ARHGAP32: variants seen among roughly 807,000 people sequenced by gnomAD.
ARHGAP32 encodes the protein Rho GTPase activating protein 32.
In ARHGAP32, 51 loss-of-function variants were observed where a neutral mutation model predicts 186.5. The observed-to-expected ratio is 0.27, with a 90% CI of 0.22 to 0.35. The LOEUF (loss-of-function observed/expected upper bound fraction) is 0.35. ARHGAP32 is among the 10% of genes least tolerant of loss of function. The probability of loss-of-function intolerance (pLI) is 1.00; values close to 1 mark genes in which losing one functional copy is unlikely to be tolerated. For synonymous variants in ARHGAP32, 950 were observed against 964.3 expected, an observed-to-expected ratio of 0.99 and a Z score of 0.27; for missense variants, 2,186 against 2,623.5, an observed-to-expected ratio of 0.83 and a Z score of 3.64.
intron 11 of ARHGAP32, among the ~76,000 whole-genome samples, chr11:129,008,874 T>A (rs189769585): frequency 2.6e-5 from 4 of 152,208 alleles, no homozygotes; most frequent in African/African-American, 9.6e-5. Flanking sequence ...GTTTGTCACA[T>A]ATAATATCAC....
chr11:128,971,230 A>G, intron 22 of ARHGAP32, 71 bp from the exon 23 acceptor site: 1 of 1,352,518 alleles, frequency 7.4e-7, no homozygotes, highest in Non-Finnish European at 1.0e-6. Context: ...TTAAATTTGT[A>G]ACTCACAAAT....
At chr11:129,022,519 T>A (rs1386170443) in intron 11 of ARHGAP32, among the ~76,000 whole-genome samples, 1 of 152,148 alleles carries the variant, frequency 6.6e-6, no homozygotes, top group Non-Finnish European at 1.5e-5. Flanking sequence ...AGTTGCAAGA[T>A]CTTGAGCAAA....
At position 129,062,286 on chromosome 11, in the gene ARHGAP32, T is replaced by C. The variant is rs1315266659; in HGVS notation, c.957A>G (p.Gly319=). 1.2e-6 allele frequency: 2 copies of C among 1,613,408 alleles called. No individual in the cohort carries two copies. Among genetic ancestry groups the C allele is most frequent in the Admixed American group, 1.7e-5 (1 of 59,986 alleles). ...VLSTWWRGKH[G]FQVGLFPGHC... is the part of the protein sequence containing the mutation. ...CTAATTTGCTGCTGCCTACCTGGAA[T>C]CCGTGCTTGCCTCTCCACCATGTGC... The change falls in exon 10 of 23, where the codon GGA becomes GGG. Residue 319 remains glycine, a synonymous_variant. Coordinates refer to ENST00000682385, the MANE Select transcript of ARHGAP32 (RefSeq NM_001378024.1).
intron 1 of ARHGAP32, among the ~76,000 whole-genome samples, chr11:129,233,854 C>T (rs1482397569): frequency 6.6e-6 from 1 of 151,780 alleles, no homozygotes; most frequent in Non-Finnish European, 1.5e-5. Flanking sequence ...TAATACTATG[C>T]AATATACAGT....
At chr11:129,044,249 T>A (rs1351062282) in intron 10 of ARHGAP32, among the ~76,000 whole-genome samples, 1 of 152,200 alleles carries the variant, frequency 6.6e-6, no homozygotes, top group Admixed American at 6.5e-5. Context: ...TGGGCTAGTA[T>A]AAATAAAATG....
intron 1 of ARHGAP32, among the ~76,000 whole-genome samples, chr11:129,277,221 T>C (rs1945542499): frequency 6.6e-6 from 1 of 151,986 alleles, no homozygotes; most frequent in Non-Finnish European, 1.5e-5. Context: ...ACATCGTTTA[T>C]ATAGCACCGA....
intron 11 of ARHGAP32, among the ~76,000 whole-genome samples, chr11:129,008,321 T>C (rs940014224): frequency 6.6e-6 from 1 of 152,130 alleles, no homozygotes; most frequent in Non-Finnish European, 1.5e-5. Flanking sequence ...TCCCCTATTA[T>C]ACAGTAGTGA....
chr11:129,096,426 C>T (rs1253772039), intron 5 of ARHGAP32, among the ~76,000 whole-genome samples: 1 of 152,118 alleles, frequency 6.6e-6, no homozygotes, highest in Non-Finnish European at 1.5e-5. Flanking sequence ...CTGGTATCTA[C>T]TGAAGGCCTG....
Position 128,988,128 on chromosome 11 carries a change from A to G in ARHGAP32, c.1196-3T>C, listed in dbSNP as rs771712037. On this transcript the variant is annotated splice_polypyrimidine_tract_variant and splice_region_variant and intron_variant, in intron 12 of 22. Coordinates refer to ENST00000682385, the MANE Select transcript of ARHGAP32 (RefSeq NM_001378024.1). The stretch of plus-strand genomic sequence containing the variant: ...GCAGCTTTGAAGAACCTGCGGCACT[A>G]AAGAGAATTTGTAAAGAAACAGATG... 2 of 1,606,968 alleles carry G rather than the reference A, an allele frequency of 1.2e-6. No homozygotes were observed. Among genetic ancestry groups the G allele is most frequent in the Non-Finnish European group, 1.7e-6 (2 of 1,174,920 alleles).
intron 1 of ARHGAP32, among the ~76,000 whole-genome samples, chr11:129,220,660 CA>C (rs1354433489): frequency 1.3e-5 from 2 of 152,060 alleles, no homozygotes; most frequent in Non-Finnish European, 1.5e-5. Context: ...ACCTGCAAAG[CA>C]ATTAAAAATG....
upstream of ARHGAP32, among the ~76,000 whole-genome samples, chr11:129,279,567 G>C (rs1945585828): frequency 6.9e-6 from 1 of 145,588 alleles, no homozygotes; most frequent in South Asian, 2.1e-4. Context: ...CCCGCCGCCC[G>C]CCCAGCCTCC....
chr11:129,200,731 T>C (rs1241746152), intron 1 of ARHGAP32, among the ~76,000 whole-genome samples: 1 of 152,180 alleles, frequency 6.6e-6, no homozygotes, highest in Non-Finnish European at 1.5e-5. Flanking sequence ...ATGATGTTAA[T>C]GTATAAAATA....
intron 10 of ARHGAP32, among the ~76,000 whole-genome samples, chr11:129,042,146 C>A (rs185832667): frequency 1.3e-5 from 2 of 151,996 alleles, no homozygotes; most frequent in African/African-American, 4.8e-5. Flanking sequence ...AACAGATTAT[C>A]AGTTTTTTTG....
chr11:129,055,071 G>C (rs1336558709), intron 10 of ARHGAP32, among the ~76,000 whole-genome samples: 27 of 152,240 alleles, frequency 1.8e-4, no homozygotes, highest in Admixed American at 1.7e-3. Flanking sequence ...GAACTGTAGG[G>C]CTTAGGCCCT....
At chr11:129,227,261 A>G (rs1944797780) in intron 1 of ARHGAP32, among the ~76,000 whole-genome samples, 1 of 152,022 alleles carries the variant, frequency 6.6e-6, no homozygotes, top group Admixed American at 6.6e-5. Context: ...AAAATAACTC[A>G]AAAAATATAC....
intron 11 of ARHGAP32, among the ~76,000 whole-genome samples, chr11:129,006,400 T>C (rs1275497955): frequency 6.6e-6 from 1 of 152,202 alleles, no homozygotes; most frequent in East Asian, 1.9e-4. Flanking sequence ...AAGTTGGGTG[T>C]TGTGATCTGC....
intron 10 of ARHGAP32, among the ~76,000 whole-genome samples, chr11:129,046,952 G>A (rs1465727214): frequency 1.3e-5 from 2 of 151,752 alleles, no homozygotes; most frequent in Admixed American, 6.6e-5. Context: ...GTGAAACCCC[G>A]TCTCTACTAA....
At chr11:129,278,260 T>G (rs1462247025) in intron 1 of ARHGAP32, among the ~76,000 whole-genome samples, 4 of 152,206 alleles carry the variant, frequency 2.6e-5, no homozygotes, top group Admixed American at 2.6e-4. Context: ...CATCACGCAG[T>G]GCCCCAAGCA....
At chr11:129,215,846 C>T (rs890900625) in intron 1 of ARHGAP32, among the ~76,000 whole-genome samples, 6 of 152,128 alleles carry the variant, frequency 3.9e-5, no homozygotes, top group African/African-American at 1.4e-4. Flanking sequence ...GTTATAAATG[C>T]TACCTTATTT....
Sources: allele counts gnomAD v4.1 joint callset (sites outside exome capture counted in the v4.1 genomes callset), GRCh38; gene constraint gnomAD v4.1.1; transcripts MANE v1.5; gene names NCBI Gene and HGNC (gene_info 2026-07-23, HGNC 2026-07-21).